Variants in C2orf80 observed in about 807,000 individuals in gnomAD.
The protein encoded by C2orf80 is chromosome 2 open reading frame 80.
Under a neutral mutation model 30.2 loss-of-function variants are expected in C2orf80, and 28 were observed. The observed-to-expected ratio is 0.93, with a 90% confidence interval of 0.69 to 1.27. The LOEUF is 1.27. C2orf80 is among the 50% of genes most tolerant of loss of function. The pLI, the probability that C2orf80 is intolerant of heterozygous loss-of-function variation, is 0.00. For synonymous variants in C2orf80, 80 were observed against 76.4 expected, an observed-to-expected ratio of 1.05 and a Z score of -0.24; for missense variants, 220 against 231.0, an observed-to-expected ratio of 0.95 and a Z score of 0.31.
At chr2:208,188,822 A>T (rs935694635) in intron 1 of C2orf80, among the ~76,000 whole-genome samples, 2 of 152,188 alleles carry the variant, frequency 1.3e-5, no homozygotes, top group Admixed American at 6.5e-5. Context: ...ATAAGATGAA[A>T]GTGGGGAAGA....
chr2:208,173,950 C>CTAT (rs1196929542), intron 6 of C2orf80, among the ~76,000 whole-genome samples: 1 of 151,814 alleles, frequency 6.6e-6, no homozygotes, highest in Non-Finnish European at 1.5e-5. Flanking sequence ...CCCTCATTTA[C>CTAT]TATTATTATT....
chr2:208,172,121 GGCATGAACACCT>G lies in C2orf80; in HGVS notation c.367-58_367-47del, dbSNP rs901028390. 13 of 1,414,566 alleles carry G rather than the reference GGCATGAACACCT, an allele frequency of 9.2e-6. No homozygotes were observed. In the African/African-American group the frequency reaches 1.7e-4, roughly 18 times the overall value. 87.6% of individuals were successfully genotyped at this position (1,414,566 alleles called of 1,614,324 possible). On this transcript the variant is annotated intron_variant, in intron 6 of 8. Transcript: ENST00000341287. ...CTTTTAAAATCTGTCCATCATCTGCGGCATGAACACCTGCTAGTCACAGCATTTGGCCTATTT... is the reference window on the plus strand; with the variant it reads ...CTTTTAAAATCTGTCCATCATCTGCGGCTAGTCACAGCATTTGGCCTATTT...
chr2:208,182,374 T>A (rs532835964), intron 4 of C2orf80, among the ~76,000 whole-genome samples: 1 of 152,338 alleles, frequency 6.6e-6, no homozygotes, highest in Non-Finnish European at 1.5e-5. Flanking sequence ...AATCATGGCA[T>A]GTACATAGTA....
In C2orf80 at chr2:208,180,940, C is replaced by T. The variant is rs568072341; in HGVS notation, c.295-124G>A. The T allele has an allele frequency of 1.6e-4, 117 of 747,550 alleles. 5 individuals carry two copies. In the South Asian group the frequency reaches 1.9e-3, roughly 12 times the overall value. 46.3% of individuals were successfully genotyped at this position (747,550 alleles called of 1,614,324 possible). On this transcript the variant is annotated intron_variant, in intron 5 of 8. Transcript: ENST00000341287. ...GCTTGGGTATCATAAGTATTAAATACAGTAAATAACTTCTGATCAATGGAT... is the reference window on the plus strand; with the variant it reads ...GCTTGGGTATCATAAGTATTAAATATAGTAAATAACTTCTGATCAATGGAT...
At chr2:208,188,899 A>C (rs1045596775) in intron 1 of C2orf80, among the ~76,000 whole-genome samples, 2 of 152,180 alleles carry the variant, frequency 1.3e-5, no homozygotes, top group African/African-American at 4.8e-5. Flanking sequence ...TACAGAGTCA[A>C]TGGGGAGAGG....
Position 208,165,606 on chromosome 2 carries a change from GTTTT to G in C2orf80, c.*197_*200del, listed in dbSNP as rs34111482. The G allele has an allele frequency of 8.4e-6, 4 of 477,994 alleles. No homozygotes were observed. The highest frequency in any genetic ancestry group is 1.5e-5 in the Non-Finnish European group (4 of 275,154). 29.6% of individuals were successfully genotyped at this position (477,994 alleles called of 1,614,324 possible). On this transcript the variant is annotated 3_prime_UTR_variant, in exon 9 of 9. Coordinates refer to ENST00000341287, the MANE Select transcript of C2orf80 (RefSeq NM_001099334.3). Reference sequence around the variant, plus strand: ...CACAATGAAGTAGCATAAGGTCACAGTTTTTTTTTTTAAGAAAATGTAGCCATGC... The same window carrying G: ...CACAATGAAGTAGCATAAGGTCACAGTTTTTTTAAGAAAATGTAGCCATGC...
intron 6 of C2orf80, among the ~76,000 whole-genome samples, chr2:208,175,294 T>TA (rs1273699757): frequency 0.02 from 3,024 of 148,818 alleles, 76 homozygotes; most frequent in African/African-American, 0.068. Flanking sequence ...GACTCTGTCT[T>TA]AAAAAAAAAA....
At chr2:208,175,288 C>G (rs150748678) in intron 6 of C2orf80, among the ~76,000 whole-genome samples, 1 of 150,936 alleles carries the variant, frequency 6.6e-6, no homozygotes, top group Non-Finnish European at 1.5e-5. Context: ...GAGTGAGACT[C>G]TGTCTTAAAA....
chr2:208,175,181 G>T (rs10194314), intron 6 of C2orf80, among the ~76,000 whole-genome samples: 1,676 of 144,430 alleles, frequency 0.012, 35 homozygotes, highest in African/African-American at 0.04. Context: ...AGCTACTCGG[G>T]AGGCTGAGGC....
intron 6 of C2orf80, among the ~76,000 whole-genome samples, chr2:208,174,880 ACTCT>A (rs528009411): frequency 1.4e-3 from 211 of 151,840 alleles, no homozygotes; most frequent in Admixed American, 3.6e-3. Context: ...GCTCATTTCC[ACTCT>A]CTCTGTCTCC....
intron 8 of C2orf80, among the ~76,000 whole-genome samples, chr2:208,170,395 C>G (rs1696057827): frequency 1.3e-5 from 2 of 152,184 alleles, no homozygotes; most frequent in Non-Finnish European, 2.9e-5. Flanking sequence ...CCCTGTCCAT[C>G]TCCGACCATT....
In C2orf80 at chr2:208,176,938, T is replaced by TCTGTATACAG. The variant is rs1433041609; in HGVS notation, c.366+3806_366+3807insCTGTATACAG. ...ACATATCTGTATACATATGTATACATATCTGTATACATATCTGTATACATA... is the reference window on the plus strand; with the variant it reads ...ACATATCTGTATACATATGTATACATCTGTATACAGATCTGTATACATATCTGTATACATA... On this transcript the variant is annotated intron_variant, in intron 6 of 8. Transcript: ENST00000341287. 9.6e-5 allele frequency among the ~76,000 whole-genome samples: 5 copies of TCTGTATACAG among 52,028 alleles called. 1 individual carries two copies. Among genetic ancestry groups the TCTGTATACAG allele is most frequent in the South Asian group, 9.9e-4 (2 of 2,014 alleles). 34.1% of individuals were successfully genotyped at this position (52,028 alleles called of 152,430 possible). A position where few individuals can be genotyped will look rare whatever the true frequency, so the allele number is the denominator to read the frequency against.
Position 208,176,938 on chromosome 2 carries a change from T to TCTGTATTCATATGTATACAG in C2orf80, c.366+3806_366+3807insCTGTATACATATGAATACAG, listed in dbSNP as rs1433041609. Among the ~76,000 whole-genome samples the TCTGTATTCATATGTATACAG allele has an allele frequency of 3.8e-5, 2 of 52,026 alleles. 1 individual carries two copies. The highest frequency in any genetic ancestry group is 1.5e-4 in the African/African-American group (2 of 13,404). The allele number at this position is 52,026 out of a possible 152,430, so 34.1% of individuals were successfully genotyped here. On this transcript the variant is annotated intron_variant, in intron 6 of 8. Transcript: ENST00000341287. ...ACATATCTGTATACATATGTATACA[T>TCTGTATTCATATGTATACAG]ATCTGTATACATATCTGTATACATA...
In C2orf80 at chr2:208,186,978, TC is replaced by T; in HGVS notation, c.8del (p.Arg3LysfsTer4). 3 of 1,614,112 alleles carry T rather than the reference TC, an allele frequency of 1.9e-6. No homozygotes were observed. The highest frequency in any genetic ancestry group is 1.7e-6 in the Non-Finnish European group (2 of 1,179,924). Reference protein sequence around the residue: MERRLIKKEMKKL... With the variant: MEXRLIKKEMKKL... ...TTTTCATTTCCTTCTTTATGAGCCT[TC>T]TTTCCATGTTAAAGGCTTAGCCAGC... On this transcript the variant is annotated frameshift_variant, in exon 2 of 9. Transcript: ENST00000341287. LOFTEE classifies it high-confidence loss of function.
intron 8 of C2orf80, chr2:208,168,389 T>C (rs1434292864): frequency 6.2e-6 from 2 of 321,572 alleles, no homozygotes; most frequent in Non-Finnish European, 1.2e-5. Context: ...TACCCAAGAG[T>C]TGGGCCGGGC....
At chr2:208,176,941 C>CTGTATACATATCTGTATACATA (rs1342320480) in intron 6 of C2orf80, among the ~76,000 whole-genome samples, 1 of 30,258 alleles carries the variant, frequency 3.3e-5, no homozygotes, top group African/African-American at 9.7e-5. Context: ...GTATACATAT[C>CTGTATACATATCTGTATACATA]TGTATACATA....
chr2:208,171,195 G>T, intron 7 of C2orf80, 132 bp from the exon 8 acceptor site: 1 of 661,112 alleles, frequency 1.5e-6, no homozygotes, highest in Non-Finnish European at 2.6e-6. Context: ...ACTCAGGCTG[G>T]AGTGCAGTGG....
intron 8 of C2orf80, among the ~76,000 whole-genome samples, chr2:208,167,677 A>G (rs1344809938): frequency 2.0e-5 from 3 of 151,926 alleles, no homozygotes; most frequent in African/African-American, 7.2e-5. Context: ...CCTGGGTTCA[A>G]GCAATTCTCA....
intron 6 of C2orf80, among the ~76,000 whole-genome samples, chr2:208,172,717 C>T (rs1696141580): frequency 6.6e-6 from 1 of 152,180 alleles, no homozygotes; most frequent in Non-Finnish European, 1.5e-5. Context: ...AGCAGTTTAG[C>T]TTTATGTAGA....
Sources: gnomAD v4.1 joint callset for allele counts (sites outside exome capture counted in the v4.1 genomes callset) on GRCh38, gnomAD v4.1.1 for gene constraint, MANE v1.5 for transcripts, NCBI Gene and HGNC (gene_info 2026-07-23, HGNC 2026-07-21) for gene names.